PRKCE: variants seen among roughly 807,000 people sequenced by gnomAD.
The protein encoded by PRKCE is protein kinase C epsilon.
PRKCE carries 16 observed loss-of-function variants against 85.4 expected under a neutral mutation model. The observed-to-expected ratio is 0.19, with a 90% CI of 0.13 to 0.28. PRKCE has a LOEUF of 0.28. Among genes scored for constraint, PRKCE ranks in the 10% least tolerant of loss-of-function variants. PRKCE has a pLI of 1.00. For synonymous variants in PRKCE, 388 were observed against 371.5 expected (o/e 1.04, Z -0.51); for missense variants, 573 against 975.2 (o/e 0.59, Z 5.49).
At chr2:46,043,362 C>A (rs1293368510) in intron 10 of PRKCE, among the ~76,000 whole-genome samples, 1 of 152,192 alleles carries the variant, frequency 6.6e-6, no homozygotes, top group Non-Finnish European at 1.5e-5. Context: ...AGACAAACAA[C>A]TTTCATTCCA....
chr2:45,712,069 T>TCCACACTG (rs2104375818), intron 1 of PRKCE, among the ~76,000 whole-genome samples: 1 of 149,528 alleles, frequency 6.7e-6, no homozygotes, highest in East Asian at 2.0e-4. Flanking sequence ...TTACATCTTC[T>TCCACACTG]CCACACTGTC....
chr2:45,865,085 C>A (rs1400113866), intron 2 of PRKCE, among the ~76,000 whole-genome samples: 1 of 152,170 alleles, frequency 6.6e-6, no homozygotes, highest in Non-Finnish European at 1.5e-5. Context: ...TATAAGTTAC[C>A]TGGGGAACTT....
chr2:46,066,023 A>C (rs1238714565), intron 10 of PRKCE, among the ~76,000 whole-genome samples: 2 of 152,152 alleles, frequency 1.3e-5, no homozygotes, highest in Non-Finnish European at 2.9e-5. Flanking sequence ...CGTCAAGACT[A>C]TTTAACAGAC....
chr2:45,888,849 T>C (rs905478217), intron 2 of PRKCE, among the ~76,000 whole-genome samples: 4 of 152,320 alleles, frequency 2.6e-5, no homozygotes, highest in East Asian at 3.9e-4. Context: ...CCATCAGGAA[T>C]GTTTACTGTC....
chr2:45,687,758 G>A (rs1288544629), intron 1 of PRKCE, among the ~76,000 whole-genome samples: 2 of 152,212 alleles, frequency 1.3e-5, no homozygotes, highest in Non-Finnish European at 2.9e-5. Context: ...AAGAAGAAAG[G>A]TATTCTCTAA....
chr2:45,882,806 C>T (rs190296170), intron 2 of PRKCE, among the ~76,000 whole-genome samples: 79 of 152,382 alleles, frequency 5.2e-4, no homozygotes, highest in African/African-American at 1.7e-3. Flanking sequence ...TAAATGTTCA[C>T]GTGTTACCTC....
intron 11 of PRKCE, among the ~76,000 whole-genome samples, chr2:46,092,409 C>T (rs145624203): frequency 1.8e-4 from 27 of 152,256 alleles, no homozygotes; most frequent in African/African-American, 6.0e-4. Flanking sequence ...TAGTGCCTGT[C>T]GTGTGCCCGG....
At chr2:46,104,718 G>T (rs1342117410) in intron 11 of PRKCE, among the ~76,000 whole-genome samples, 3 of 152,106 alleles carry the variant, frequency 2.0e-5, no homozygotes, top group Non-Finnish European at 4.4e-5. Context: ...ACTTTAAAAG[G>T]TAGTCCTTTA....
At chr2:45,854,233 A>G (rs1325406849) in intron 2 of PRKCE, among the ~76,000 whole-genome samples, 1 of 152,182 alleles carries the variant, frequency 6.6e-6, no homozygotes, top group Non-Finnish European at 1.5e-5. Flanking sequence ...AGCCGGGAGC[A>G]CCATCCTACC....
At chr2:45,993,195 G>C (rs1473137327) in intron 6 of PRKCE, among the ~76,000 whole-genome samples, 1 of 152,196 alleles carries the variant, frequency 6.6e-6, no homozygotes, top group Non-Finnish European at 1.5e-5. Flanking sequence ...TAATGCAAAT[G>C]CATCTCAGGT....
chr2:45,977,803 A>T (rs1019419640), intron 3 of PRKCE, among the ~76,000 whole-genome samples: 6 of 152,172 alleles, frequency 3.9e-5, no homozygotes, highest in Non-Finnish European at 7.3e-5. Context: ...TAGTAGTCTG[A>T]CTTTTAATGC....
chr2:45,842,270 A>G (rs2105481103), intron 1 of PRKCE, among the ~76,000 whole-genome samples: 1 of 152,222 alleles, frequency 6.6e-6, no homozygotes, highest in East Asian at 1.9e-4. Context: ...TACGCCTTGC[A>G]TACCTTCCCT....
intron 2 of PRKCE, among the ~76,000 whole-genome samples, chr2:45,917,570 C>G (rs1261916039): frequency 6.6e-6 from 1 of 152,208 alleles, no homozygotes; most frequent in Non-Finnish European, 1.5e-5. Flanking sequence ...TAAAGGTTCT[C>G]CACGTCCCCA....
At chr2:45,942,623 G>A (rs1255821280) in intron 2 of PRKCE, among the ~76,000 whole-genome samples, 1 of 152,174 alleles carries the variant, frequency 6.6e-6, no homozygotes, top group African/African-American at 2.4e-5. Flanking sequence ...GTCCCCGCAG[G>A]AAGGATTAGA....
chr2:46,015,715 G>GAAAAAA, intron 10 of PRKCE, among the ~76,000 whole-genome samples: 1 of 139,536 alleles, frequency 7.2e-6, no homozygotes, highest in African/African-American at 2.7e-5. Context: ...AAAAAAAAAC[G>GAAAAAA]AAGTAAAAAT....
intron 1 of PRKCE, among the ~76,000 whole-genome samples, chr2:45,709,100 C>T (rs960499520): frequency 1.3e-4 from 20 of 152,332 alleles, no homozygotes; most frequent in South Asian, 1.2e-3. Flanking sequence ...AACTTACTGG[C>T]GCTGCTGCTC....
At chr2:46,022,013 A>T (rs1219845732) in intron 10 of PRKCE, among the ~76,000 whole-genome samples, 1 of 152,088 alleles carries the variant, frequency 6.6e-6, no homozygotes, top group Non-Finnish European at 1.5e-5. Context: ...TAGTGGTCTG[A>T]AATACTTCAG....
rs71394862 is a variant in PRKCE at position 45,958,791 on chromosome 2, CATATAT to C, written c.413-17617_413-17612del. Among the ~76,000 whole-genome samples, 15 of 22,544 alleles carry C rather than the reference CATATAT, an allele frequency of 6.7e-4. 1 individual carries two copies. Among genetic ancestry groups the C allele is most frequent in the East Asian group, 2.2e-3 (2 of 900 alleles). 14.8% of individuals were successfully genotyped at this position (22,544 alleles called of 152,430 possible). A position where few individuals can be genotyped will look rare whatever the true frequency, so the allele number is the denominator to read the frequency against. ...TTTTCCCTTCCTCTGGCCTTTAAAA[CATATAT>C]ATATATATATATATATATATTTTTT... is the stretch of plus-strand genomic sequence containing the variant. On this transcript the variant is annotated intron_variant, in intron 2 of 14. Coordinates refer to ENST00000306156, the MANE Select transcript of PRKCE (RefSeq NM_005400.3).
chr2:46,028,908 G>A (rs1707321386), intron 10 of PRKCE, among the ~76,000 whole-genome samples: 1 of 152,140 alleles, frequency 6.6e-6, no homozygotes, highest in Non-Finnish European at 1.5e-5. Context: ...AGAACATGTG[G>A]TATTTGGTTT....
Sources: gnomAD v4.1 joint callset for allele counts (sites outside exome capture counted in the v4.1 genomes callset) on GRCh38, gnomAD v4.1.1 for gene constraint, MANE v1.5 for transcripts, NCBI Gene and HGNC (gene_info 2026-07-23, HGNC 2026-07-21) for gene names.